The following TASP1 variants were observed in gnomAD, a reference collection of about 807,000 sequenced individuals.
TASP1 encodes the protein threonine aspartase 1.
In TASP1, 16 loss-of-function variants were observed where a neutral mutation model predicts 56.6. The ratio of observed to expected loss-of-function variants is 0.28; its 90% confidence interval spans 0.19 to 0.43. TASP1 has a LOEUF of 0.43. Ranked by LOEUF, TASP1 falls within the 20% of genes least tolerant of loss-of-function variation. TASP1 has a pLI of 1.00. For synonymous variants in TASP1, 179 were observed against 184.2 expected (o/e 0.97, Z 0.23); for missense variants, 393 against 511.6 (o/e 0.77, Z 2.24).
At chr20:13,510,108 G>A (rs1207039226) in intron 10 of TASP1, among the ~76,000 whole-genome samples, 1 of 151,718 alleles carries the variant, frequency 6.6e-6, no homozygotes, top group East Asian at 1.9e-4. Flanking sequence ...GATTATATTG[G>A]TTACTTATGC....
At chr20:13,465,830 A>AGGGT (rs145353633) in intron 11 of TASP1, among the ~76,000 whole-genome samples, 2 of 18,368 alleles carry the variant, frequency 1.1e-4, no homozygotes, top group East Asian at 0.01. Flanking sequence ...GATTAAAGTC[A>AGGGT]GGGTGGGTGG....
the TASP1 span, chr20:13,368,748 AGGT>A: frequency 6.6e-6 from 1 of 152,326 alleles, no homozygotes; most frequent in Non-Finnish European, 1.5e-5. Flanking sequence ...TCTGCTGGTT[AGGT>A]GGTGCCTGCC....
chr20:13,156,362 AATGC>A, the TASP1 span, among the ~76,000 whole-genome samples: 4 of 152,320 alleles, frequency 2.6e-5, no homozygotes, highest in South Asian at 8.3e-4. Flanking sequence ...AGTGAAAACA[AATGC>A]ATGTAACTTC....
the TASP1 span, among the ~76,000 whole-genome samples, chr20:13,351,675 C>A: frequency 5.1e-4 from 78 of 152,228 alleles, no homozygotes; most frequent in South Asian, 1.0e-3. Context: ...ATTTGGGGGG[C>A]TGTTGGAACT....
chr20:13,352,041 C>T, the TASP1 span, among the ~76,000 whole-genome samples: 6 of 152,172 alleles, frequency 3.9e-5, no homozygotes, highest in Non-Finnish European at 7.3e-5. Context: ...CCACAGAAGA[C>T]TGAAATTTCT....
chr20:13,356,191 G>C, the TASP1 span, among the ~76,000 whole-genome samples: 2 of 152,212 alleles, frequency 1.3e-5, no homozygotes, highest in Non-Finnish European at 2.9e-5. Context: ...ATGTGCCATT[G>C]AGATGTTAAT....
intron 10 of TASP1, among the ~76,000 whole-genome samples, chr20:13,484,747 A>AAAG (rs2043262977): frequency 6.6e-6 from 1 of 151,794 alleles, no homozygotes; most frequent in Non-Finnish European, 1.5e-5. Flanking sequence ...AAAAAAAAAA[A>AAAG]AAAAGAAAGA....
chr20:13,537,585 C>T (rs1269251725), intron 8 of TASP1, among the ~76,000 whole-genome samples: 2 of 152,120 alleles, frequency 1.3e-5, no homozygotes, highest in Non-Finnish European at 2.9e-5. Flanking sequence ...CACTCTTACA[C>T]TCTATAAATA....
intron 10 of TASP1, among the ~76,000 whole-genome samples, chr20:13,492,066 T>G (rs1340448955): frequency 6.6e-6 from 1 of 152,170 alleles, no homozygotes; most frequent in Non-Finnish European, 1.5e-5. Flanking sequence ...GAAGTTGCAT[T>G]CACAGCAGAG....
At chr20:13,354,548 G>A in the TASP1 span, among the ~76,000 whole-genome samples, 2 of 152,028 alleles carry the variant, frequency 1.3e-5, no homozygotes, top group Non-Finnish European at 2.9e-5. Context: ...AATTGTGAGG[G>A]GAAGAAAAAA....
At chr20:13,254,558 G>T in the TASP1 span, among the ~76,000 whole-genome samples, 9 of 152,252 alleles carry the variant, frequency 5.9e-5, no homozygotes, top group African/African-American at 2.2e-4. Flanking sequence ...GCACTTGCTG[G>T]GTGCTCAGTG....
intron 9 of TASP1, among the ~76,000 whole-genome samples, chr20:13,531,389 T>C (rs927341826): frequency 2.0e-5 from 3 of 152,064 alleles, no homozygotes; most frequent in Non-Finnish European, 4.4e-5. Context: ...ACAAATGAAA[T>C]ATAATAATTC....
intron 4 of TASP1, chr20:13,614,809 A>T (rs751126518): frequency 3.8e-5 from 18 of 469,932 alleles, no homozygotes; most frequent in Non-Finnish European, 6.6e-5. Flanking sequence ...TTTTAGTTGG[A>T]TTCTTTATGA....
At chr20:13,304,913 A>T in the TASP1 span, among the ~76,000 whole-genome samples, 1 of 152,144 alleles carries the variant, frequency 6.6e-6, no homozygotes, top group Admixed American at 6.5e-5. Flanking sequence ...GGAATCTTCT[A>T]CCAAATAAGC....
the TASP1 span, among the ~76,000 whole-genome samples, chr20:13,172,543 T>C: frequency 6.6e-6 from 1 of 152,200 alleles, no homozygotes; most frequent in African/African-American, 2.4e-5. Flanking sequence ...GCTGCTTGTA[T>C]TTGTCTTTTG....
At chr20:13,483,102 T>G (rs2273477) in intron 11 of TASP1, 125 bp downstream of exon 11, 375,848 of 587,728 alleles carry the variant, frequency 0.64, 122,412 homozygotes, top group Non-Finnish European at 0.68. Flanking sequence ...TTAACTGTGG[T>G]TCTTTTCCTC....
intron 11 of TASP1, among the ~76,000 whole-genome samples, chr20:13,469,218 G>A (rs140493671): frequency 4.5e-4 from 69 of 152,258 alleles, no homozygotes; most frequent in Admixed American, 1.7e-3. Context: ...AAATTTAGTA[G>A]CTATTTTAAA....
rs148759872 is a variant in TASP1, at chr20:13,627,908, A to T, written c.145+2026T>A. ...CTCTCAGATCACTGCCCCTTCTCAC[A>T]AAGTAAAAAGTAATCTTCCTTAGGA... On this transcript the variant is annotated intron_variant, in intron 2 of 13. Coordinates refer to ENST00000337743, the MANE Select transcript of TASP1 (RefSeq NM_017714.3). Among the ~76,000 whole-genome samples, 323 of 152,322 alleles carry T rather than the reference A, an allele frequency of 2.1e-3. 1 individual carries two copies. The highest frequency in any genetic ancestry group is 7.2e-3 in the African/African-American group (298 of 41,562).
the TASP1 span, among the ~76,000 whole-genome samples, chr20:13,357,683 C>T: frequency 6.6e-6 from 1 of 152,162 alleles, no homozygotes; most frequent in Non-Finnish European, 1.5e-5. Flanking sequence ...TATACCCACG[C>T]AAAGACTTAC....
Sources: gnomAD v4.1 joint callset for allele counts (sites outside exome capture counted in the v4.1 genomes callset) on GRCh38, gnomAD v4.1.1 for gene constraint, MANE v1.5 for transcripts, NCBI Gene and HGNC (gene_info 2026-07-23, HGNC 2026-07-21) for gene names.